Variants in POC1A observed in about 807,000 individuals in gnomAD.
POC1A encodes POC1 centriolar protein A.
A neutral mutation model predicts 47.8 loss-of-function variants in POC1A; 34 were observed. That is an observed-to-expected ratio of 0.71 (90% CI 0.54 to 0.95). The LOEUF is 0.95. Among genes scored for constraint, POC1A ranks in the 40% least tolerant of loss-of-function variants. POC1A has a pLI of 0.00. For missense variants in POC1A, 466 were observed against 528.3 expected, an observed-to-expected ratio of 0.88 and a Z score of 1.16; for synonymous variants, 177 against 207.6, an observed-to-expected ratio of 0.85 and a Z score of 1.27.
At chr3:52,149,679 T>G in intron 3 of POC1A, 137 bp downstream of exon 3, 1 of 848,626 alleles carries the variant, frequency 1.2e-6, no homozygotes, top group Non-Finnish European at 1.8e-6. Flanking sequence ...AGCCCCAGCC[T>G]CTGATGGCAC....
chr3:52,144,099 G>A (rs906991762), intron 6 of POC1A, among the ~76,000 whole-genome samples: 1 of 152,204 alleles, frequency 6.6e-6, no homozygotes, highest in Non-Finnish European at 1.5e-5. Context: ...AAGCCATGAG[G>A]AAGGCCTATT....
At chr3:52,114,482 A>G (rs1239749778) in intron 9 of POC1A, among the ~76,000 whole-genome samples, 1 of 152,156 alleles carries the variant, frequency 6.6e-6, no homozygotes, top group Non-Finnish European at 1.5e-5. Flanking sequence ...ATGCATGTGC[A>G]CACACACAGG....
chr3:52,126,516 C>T lies in POC1A; in HGVS notation c.814-1335G>A, dbSNP rs530510433. 7.9e-5 allele frequency among the ~76,000 whole-genome samples: 12 copies of T among 152,334 alleles called. No homozygotes were observed. The East Asian group carries it at 1.3e-3, about 17-fold the overall frequency. ...CACTGGTGAACACCGAGCACTCAGGCGCTCAGAGCACAGCACCTGCATTTA... is the reference window on the plus strand; with the variant it reads ...CACTGGTGAACACCGAGCACTCAGGTGCTCAGAGCACAGCACCTGCATTTA... On this transcript the variant is annotated intron_variant, in intron 7 of 10. Transcript: ENST00000296484.
At chr3:52,121,136 T>G (rs914044958) in intron 9 of POC1A, among the ~76,000 whole-genome samples, 2 of 152,242 alleles carry the variant, frequency 1.3e-5, no homozygotes, top group African/African-American at 4.8e-5. Context: ...CTCATTCTGA[T>G]GAGATAAGGA....
chr3:52,098,441 G>A (rs976521738), intron 9 of POC1A, among the ~76,000 whole-genome samples: 8 of 152,208 alleles, frequency 5.3e-5, no homozygotes, highest in African/African-American at 1.4e-4. Context: ...GGGAGGCAGG[G>A]TGAGTACCAC....
chr3:52,125,903 C>A (rs188941214), intron 7 of POC1A, among the ~76,000 whole-genome samples: 28 of 152,236 alleles, frequency 1.8e-4, no homozygotes, highest in Non-Finnish European at 3.2e-4. Flanking sequence ...CAGTCCAGGG[C>A]GGGGGAGATG....
intron 9 of POC1A, among the ~76,000 whole-genome samples, chr3:52,114,407 A>G (rs1387278748): frequency 6.6e-6 from 1 of 152,206 alleles, no homozygotes; most frequent in Non-Finnish European, 1.5e-5. Context: ...CACTTGACAG[A>G]GCATTGTGGG....
chr3:52,126,709 G>A (rs1190120442), intron 7 of POC1A, among the ~76,000 whole-genome samples: 2 of 152,236 alleles, frequency 1.3e-5, no homozygotes, highest in Non-Finnish European at 2.9e-5. Flanking sequence ...ATCTGGCAAG[G>A]GCCTTCTTGC....
intron 10 of POC1A, among the ~76,000 whole-genome samples, chr3:52,094,156 G>T (rs149346576): frequency 6.6e-6 from 1 of 152,340 alleles, no homozygotes; most frequent in Non-Finnish European, 1.5e-5. Context: ...TTTGTAGTAG[G>T]AATCAGTGTT....
intron 10 of POC1A, among the ~76,000 whole-genome samples, chr3:52,093,110 G>A (rs1385739246): frequency 6.6e-6 from 1 of 152,266 alleles, no homozygotes; most frequent in African/African-American, 2.4e-5. Context: ...CCCGTCAGGT[G>A]AGGGTGAACT....
intron 10 of POC1A, among the ~76,000 whole-genome samples, chr3:52,077,919 G>C (rs1702167928): frequency 6.6e-6 from 1 of 152,066 alleles, no homozygotes; most frequent in African/African-American, 2.4e-5. Flanking sequence ...GTTCCATAGG[G>C]GGCCCATACT....
intron 9 of POC1A, among the ~76,000 whole-genome samples, chr3:52,111,417 C>T (rs1328171556): frequency 6.6e-6 from 1 of 152,094 alleles, no homozygotes; most frequent in South Asian, 2.1e-4. Flanking sequence ...GAGGCCAAGG[C>T]GGGCAGATCA....
chr3:52,148,662 T>G (rs1013882887), intron 4 of POC1A, among the ~76,000 whole-genome samples: 1 of 152,224 alleles, frequency 6.6e-6, no homozygotes, highest in Non-Finnish European at 1.5e-5. Context: ...CGCCCCCATC[T>G]GGGAGCTCTG....
intron 9 of POC1A, among the ~76,000 whole-genome samples, chr3:52,120,578 G>A (rs563753442): frequency 1.8e-4 from 28 of 152,342 alleles, no homozygotes; most frequent in Admixed American, 1.4e-3. Flanking sequence ...GGAAGACCAG[G>A]TGTTTTGCCT....
At chr3:52,093,887 C>A (rs767432415) in intron 10 of POC1A, among the ~76,000 whole-genome samples, 1 of 152,222 alleles carries the variant, frequency 6.6e-6, no homozygotes, top group Non-Finnish European at 1.5e-5. Flanking sequence ...GGAAGGCAGG[C>A]TTTGAAGACT....
chr3:52,146,383 G>A (rs1478439231), intron 5 of POC1A, among the ~76,000 whole-genome samples: 1 of 152,232 alleles, frequency 6.6e-6, no homozygotes, highest in African/African-American at 2.4e-5. Context: ...CCCTTTCTAG[G>A]AGACAGGCCA....
intron 10 of POC1A, among the ~76,000 whole-genome samples, chr3:52,092,792 G>C (rs558983631): frequency 4.0e-4 from 61 of 152,198 alleles, no homozygotes; most frequent in Non-Finnish European, 1.0e-4. Flanking sequence ...TCATAAAAAA[G>C]TAAAACACCA....
intron 9 of POC1A, among the ~76,000 whole-genome samples, chr3:52,101,090 CAAAAAAAAAAAA>C (rs146285042): frequency 1.8e-5 from 1 of 56,956 alleles, no homozygotes; most frequent in Non-Finnish European, 3.7e-5. Context: ...CAACCCTCAG[CAAAAAAAAAAAA>C]AAAAAAAATA....
At chr3:52,154,246 T>C in intron 1 of POC1A, 109 bp downstream of exon 1, 1 of 1,252,392 alleles carries the variant, frequency 8.0e-7, no homozygotes, top group Non-Finnish European at 1.1e-6. Context: ...AGGACCACCC[T>C]GGAACCTGGC....
Sources: gnomAD v4.1 joint callset for allele counts (sites outside exome capture counted in the v4.1 genomes callset) on GRCh38, gnomAD v4.1.1 for gene constraint, MANE v1.5 for transcripts, NCBI Gene and HGNC (gene_info 2026-07-23, HGNC 2026-07-21) for gene names.